Variants in SETD7 observed in about 807,000 individuals in gnomAD.
SETD7 encodes SET domain containing 7, histone lysine methyltransferase, also known as histone-lysine N-methyltransferase SETD7.
A neutral mutation model predicts 41.8 loss-of-function variants in SETD7; 16 were observed. The observed-to-expected ratio is 0.38, with a 90% confidence interval of 0.26 to 0.58. SETD7 has a LOEUF of 0.58. SETD7 is among the 20% of genes least tolerant of loss of function. The pLI is 0.64. For synonymous variants in SETD7, 163 were observed against 169.7 expected (o/e 0.96, Z 0.31); for missense variants, 346 against 459.7 (o/e 0.75, Z 2.26).
At chr4:139,528,189 T>C (rs903675898) in intron 4 of SETD7, among the ~76,000 whole-genome samples, 1 of 152,372 alleles carries the variant, frequency 6.6e-6, no homozygotes, top group East Asian at 1.9e-4. Context: ...TTAGTAATTT[T>C]ATACTCAGAA....
chr4:139,552,407 C>A (rs1305512146), intron 1 of SETD7, among the ~76,000 whole-genome samples: 5 of 152,172 alleles, frequency 3.3e-5, no homozygotes, highest in Non-Finnish European at 7.4e-5. Flanking sequence ...GTTTTTCCTG[C>A]CATCATAACT....
intron 7 of SETD7, among the ~76,000 whole-genome samples, chr4:139,500,991 T>C (rs1420944659): frequency 1.3e-5 from 2 of 152,098 alleles, no homozygotes; most frequent in Admixed American, 6.5e-5. Context: ...ATGTTTCCCC[T>C]GGAATCTCCA....
chr4:139,517,811 C>T, intron 7 of SETD7, 74 bp downstream of exon 7: 1 of 1,468,582 alleles, frequency 6.8e-7, no homozygotes, highest in Non-Finnish European at 9.2e-7. Flanking sequence ...GGCAGAATAA[C>T]ACTTTTTACT....
Position 139,511,471 on chromosome 4 carries a change from G to A in SETD7, c.*192C>T. On this transcript the variant is annotated 3_prime_UTR_variant, in exon 8 of 8. Coordinates refer to ENST00000274031, the MANE Select transcript of SETD7 (RefSeq NM_030648.4). Reference sequence around the variant, plus strand: ...CCTCTCAGTAGGACGTTGTTGCAAGGCTAGCTAATTTTAAATCTGGTATGA... The same window carrying A: ...CCTCTCAGTAGGACGTTGTTGCAAGACTAGCTAATTTTAAATCTGGTATGA... The A allele has an allele frequency of 2.4e-5, 23 of 964,306 alleles. 1 individual carries two copies. In the South Asian group the frequency reaches 3.8e-4, roughly 16 times the overall value. The allele number at this position is 964,306 out of a possible 1,614,324, so 59.7% of individuals were successfully genotyped here. A position where few individuals can be genotyped will look rare whatever the true frequency, so the allele number is the denominator to read the frequency against.
In SETD7 at chr4:139,508,409, C is replaced by T. The variant is rs537541307; in HGVS notation, c.*3254G>A. 5.3e-5 allele frequency: 8 copies of T among 152,328 alleles called. No homozygotes were observed. The highest frequency in any genetic ancestry group is 1.9e-4 in the African/African-American group (8 of 41,572). The allele number at this position is 152,328 out of a possible 1,614,324, so 9.4% of individuals were successfully genotyped here. On this transcript the variant is annotated 3_prime_UTR_variant, in exon 8 of 8. Transcript: ENST00000274031. ...CTGCTTTCTTTTTGATCCCATCATT[C>T]CTTTGTGTCGGAAATTCAGTCTTTC...
rs1395711303 is a variant in SETD7 at position 139,520,339 on chromosome 4, C to T, written c.700G>A (p.Val234Ile). ...SSAGEGLFSKVAVGPNTVMSF... is the reference protein window; with the variant it reads ...SSAGEGLFSKIAVGPNTVMSF... ...ATAACAGTATTAGGTCCCACAGCTA[C>T]CTTTGAAAAAAGTCCTTCTCCAGCA... Residue 234 changes from valine to isoleucine, a missense_variant, in exon 6 of 8, where the codon GTA becomes ATA. Coordinates refer to ENST00000274031, the MANE Select transcript of SETD7 (RefSeq NM_030648.4). 4 of 1,610,734 alleles carry T rather than the reference C, an allele frequency of 2.5e-6. No individual in the cohort carries two copies. The highest frequency in any genetic ancestry group is 1.3e-5 in the African/African-American group (1 of 74,744).
intron 4 of SETD7, among the ~76,000 whole-genome samples, chr4:139,528,711 C>T (rs1450586189): frequency 1.3e-5 from 2 of 152,158 alleles, no homozygotes; most frequent in Admixed American, 1.3e-4. Context: ...GAAAATGTTG[C>T]CCCACATTGC....
At chr4:139,527,809 C>A (rs1437266698) in intron 4 of SETD7, among the ~76,000 whole-genome samples, 1 of 152,158 alleles carries the variant, frequency 6.6e-6, no homozygotes, top group Non-Finnish European at 1.5e-5. Flanking sequence ...TGTCCTTTTT[C>A]TCTTCCAGGA....
chr4:139,537,547 T>C (rs868113263), intron 2 of SETD7, among the ~76,000 whole-genome samples: 1 of 152,238 alleles, frequency 6.6e-6, no homozygotes, highest in Non-Finnish European at 1.5e-5. Flanking sequence ...AGCCTAGGCA[T>C]GTACTATTAC....
intron 7 of SETD7, among the ~76,000 whole-genome samples, chr4:139,514,260 G>A (rs1289404754): frequency 1.3e-5 from 2 of 151,532 alleles, no homozygotes; most frequent in Non-Finnish European, 2.9e-5. Flanking sequence ...ACTCCAGTTT[G>A]GATGACAGAG....
At chr4:139,515,920 A>G (rs1245190204) in intron 7 of SETD7, among the ~76,000 whole-genome samples, 1 of 152,216 alleles carries the variant, frequency 6.6e-6, no homozygotes, top group East Asian at 1.9e-4. Flanking sequence ...GGCTCCCAGG[A>G]AGAGCTGGCA....
intron 1 of SETD7, among the ~76,000 whole-genome samples, chr4:139,549,532 C>T (rs1281125511): frequency 6.6e-6 from 1 of 152,030 alleles, no homozygotes; most frequent in African/African-American, 2.4e-5. Context: ...TCCTTCCTCC[C>T]TTTTTGCCTC....
intron 2 of SETD7, 27 bp from the exon 3 acceptor site, chr4:139,533,393 A>G (rs1275736965): frequency 6.9e-6 from 11 of 1,586,156 alleles, no homozygotes; most frequent in East Asian, 2.2e-5. Flanking sequence ...AACAAAAAGG[A>G]ATAGTCAGAC....
intron 1 of SETD7, among the ~76,000 whole-genome samples, chr4:139,549,298 C>T (rs1439714081): frequency 4.6e-5 from 7 of 152,126 alleles, no homozygotes; most frequent in Non-Finnish European, 8.8e-5. Context: ...TAAATCTGAA[C>T]ACTAAGAAAA....
At chr4:139,543,979 C>CAAAA (rs1276103696) in intron 2 of SETD7, among the ~76,000 whole-genome samples, 1 of 151,102 alleles carries the variant, frequency 6.6e-6, no homozygotes, top group East Asian at 2.0e-4. Flanking sequence ...AACAAACAAA[C>CAAAA]AAACAAACAA....
chr4:139,496,314 T>C (rs1331122522), exon 8 of SETD7: 1 of 691,958 alleles, frequency 1.4e-6, no homozygotes, highest in African/African-American at 1.8e-5. Context: ...ATTGCCATTA[T>C]CAGTAGGCAG....
At chr4:139,538,175 T>G (rs1322925350) in intron 2 of SETD7, among the ~76,000 whole-genome samples, 1 of 152,122 alleles carries the variant, frequency 6.6e-6, no homozygotes, top group Admixed American at 6.5e-5. Context: ...AATTTATGAG[T>G]GATCCAATTG....
downstream of SETD7, among the ~76,000 whole-genome samples, chr4:139,493,122 AC>A (rs1726382382): frequency 1.3e-5 from 2 of 152,248 alleles, no homozygotes; most frequent in Admixed American, 6.5e-5. Context: ...GTGTTAGAAG[AC>A]AGAGGAATAA....
At chr4:139,512,874 C>T (rs1326458066) in intron 7 of SETD7, among the ~76,000 whole-genome samples, 1 of 149,866 alleles carries the variant, frequency 6.7e-6, no homozygotes, top group Non-Finnish European at 1.5e-5. Context: ...TCTCATGTCT[C>T]AGCCTCCCAA....
Sources: allele counts gnomAD v4.1 joint callset (sites outside exome capture counted in the v4.1 genomes callset), GRCh38; gene constraint gnomAD v4.1.1; transcripts MANE v1.5; gene names NCBI Gene and HGNC (gene_info 2026-07-23, HGNC 2026-07-21).